Variants in PTPRM observed in about 807,000 individuals in gnomAD.
PTPRM encodes the protein receptor-type tyrosine-protein phosphatase mu.
In PTPRM, 47 loss-of-function variants were observed where a neutral mutation model predicts 186.7. The observed-to-expected ratio is 0.25, with a 90% CI of 0.20 to 0.32. PTPRM has a LOEUF of 0.32. Among genes scored for constraint, PTPRM ranks in the 10% least tolerant of loss-of-function variants. The pLI, the probability that PTPRM is intolerant of heterozygous loss-of-function variation, is 1.00. For synonymous variants in PTPRM, 668 were observed against 674.9 expected, an observed-to-expected ratio of 0.99 and a Z score of 0.16; for missense variants, 1,494 against 1,865.0, an observed-to-expected ratio of 0.80 and a Z score of 3.66.
At chr18:7,916,188 C>T (rs957568228) in intron 4 of PTPRM, among the ~76,000 whole-genome samples, 18 of 152,166 alleles carry the variant, frequency 1.2e-4, no homozygotes, top group Non-Finnish European at 2.4e-4. Context: ...AAAATCCAGA[C>T]TTCATTGCTA....
At chr18:8,264,078 A>G (rs2094668511) in intron 19 of PTPRM, among the ~76,000 whole-genome samples, 1 of 152,128 alleles carries the variant, frequency 6.6e-6, no homozygotes, top group African/African-American at 2.4e-5. Context: ...CCAGGTAGAA[A>G]GTGTCAGAGT....
chr18:7,921,628 C>A (rs1357962823), intron 4 of PTPRM, among the ~76,000 whole-genome samples: 1 of 152,142 alleles, frequency 6.6e-6, no homozygotes, highest in Non-Finnish European at 1.5e-5. Context: ...GATCTGCCCT[C>A]CTCGGCCTCT....
intron 14 of PTPRM, among the ~76,000 whole-genome samples, chr18:8,159,340 A>G (rs1166033787): frequency 2.6e-5 from 4 of 152,162 alleles, no homozygotes; most frequent in Non-Finnish European, 1.5e-5. Context: ...TATCATTGTT[A>G]TATTCATATG....
At chr18:8,326,338 T>C (rs1480501826) in intron 22 of PTPRM, among the ~76,000 whole-genome samples, 2 of 152,184 alleles carry the variant, frequency 1.3e-5, no homozygotes, top group Non-Finnish European at 2.9e-5. Flanking sequence ...AGAAGCAATA[T>C]TGTTTAAATG....
At chr18:7,976,736 A>T (rs1238945442) in intron 7 of PTPRM, among the ~76,000 whole-genome samples, 1 of 152,190 alleles carries the variant, frequency 6.6e-6, no homozygotes, top group Non-Finnish European at 1.5e-5. Flanking sequence ...AAAGGAAGAG[A>T]GGAAAATGAA....
intron 5 of PTPRM, among the ~76,000 whole-genome samples, chr18:7,942,387 G>A (rs956997131): frequency 1.3e-5 from 2 of 152,208 alleles, no homozygotes; most frequent in Non-Finnish European, 2.9e-5. Context: ...ATGGACAGTC[G>A]TGTAGAAGTG....
At chr18:8,254,633 G>A (rs1172182330) in intron 19 of PTPRM, among the ~76,000 whole-genome samples, 1 of 152,138 alleles carries the variant, frequency 6.6e-6, no homozygotes, top group Non-Finnish European at 1.5e-5. Context: ...CTACCACCTG[G>A]ATAGTCTGTG....
intron 2 of PTPRM, among the ~76,000 whole-genome samples, chr18:7,875,569 C>T (rs1211570813): frequency 6.6e-6 from 1 of 152,120 alleles, no homozygotes; most frequent in African/African-American, 2.4e-5. Flanking sequence ...CGTGATCTGC[C>T]TGCCTCGACT....
chr18:7,910,259 C>T (rs190034385), intron 4 of PTPRM, among the ~76,000 whole-genome samples: 1 of 152,168 alleles, frequency 6.6e-6, no homozygotes, highest in African/African-American at 2.4e-5. Flanking sequence ...CCCAAAAGAC[C>T]CACTACCCAT....
intron 14 of PTPRM, among the ~76,000 whole-genome samples, chr18:8,218,761 T>G (rs1450188596): frequency 6.6e-6 from 1 of 152,222 alleles, no homozygotes; most frequent in Non-Finnish European, 1.5e-5. Flanking sequence ...AAAGGAGCAG[T>G]GCCCGCCTTG....
intron 7 of PTPRM, among the ~76,000 whole-genome samples, chr18:8,055,045 C>A (rs535764493): frequency 2.8e-4 from 42 of 152,182 alleles, no homozygotes; most frequent in African/African-American, 8.4e-4. Flanking sequence ...TCTCTAGATG[C>A]TTTTGAGATC....
intron 2 of PTPRM, among the ~76,000 whole-genome samples, chr18:7,887,362 A>C (rs951959847): frequency 1.3e-5 from 2 of 152,146 alleles, no homozygotes; most frequent in African/African-American, 4.8e-5. Context: ...AGCTCGTGAG[A>C]CTTCTTAGAA....
intron 2 of PTPRM, among the ~76,000 whole-genome samples, chr18:7,800,937 A>G (rs557849603): frequency 6.6e-6 from 1 of 152,280 alleles, no homozygotes; most frequent in Admixed American, 6.5e-5. Flanking sequence ...ATGGCATGCA[A>G]GATAAAAACG....
At chr18:7,686,708 A>G (rs1463196556) in intron 1 of PTPRM, among the ~76,000 whole-genome samples, 1 of 152,188 alleles carries the variant, frequency 6.6e-6, no homozygotes, top group East Asian at 1.9e-4. Flanking sequence ...TTGCATGATA[A>G]TGGCTTTTAA....
At chr18:8,370,847 A>G (rs778394724) in intron 23 of PTPRM, 43 bp from the exon 24 acceptor site, 1 of 1,355,886 alleles carries the variant, frequency 7.4e-7, no homozygotes, top group East Asian at 2.4e-5. Context: ...AACTCCAAAA[A>G]AACCAAACTG....
At chr18:7,719,949 A>G (rs2040415322) in intron 1 of PTPRM, among the ~76,000 whole-genome samples, 1 of 152,124 alleles carries the variant, frequency 6.6e-6, no homozygotes. Context: ...TGTAGTCCCA[A>G]ACTACTCGTT....
At chr18:7,641,725 A>C (rs901276591) in intron 1 of PTPRM, among the ~76,000 whole-genome samples, 2 of 152,234 alleles carry the variant, frequency 1.3e-5, no homozygotes, top group African/African-American at 4.8e-5. Flanking sequence ...ATAGGCATTA[A>C]CTTTTTATGA....
intron 1 of PTPRM, among the ~76,000 whole-genome samples, chr18:7,630,045 C>G (rs1315911363): frequency 7.2e-5 from 11 of 151,970 alleles, no homozygotes; most frequent in Non-Finnish European, 1.6e-4. Context: ...TTTACTCACC[C>G]AGGGAATAGG....
chr18:8,167,889 G>A (rs1478896641), intron 14 of PTPRM, among the ~76,000 whole-genome samples: 1 of 152,198 alleles, frequency 6.6e-6, no homozygotes, highest in Non-Finnish European at 1.5e-5. Flanking sequence ...ATCTTCCAGC[G>A]ATGTCGCGAA....
Sources: allele counts gnomAD v4.1 joint callset (sites outside exome capture counted in the v4.1 genomes callset), GRCh38; gene constraint gnomAD v4.1.1; transcripts MANE v1.5; gene names NCBI Gene and HGNC (gene_info 2026-07-23, HGNC 2026-07-21).